STK32C: variants seen among roughly 807,000 people sequenced by gnomAD.
STK32C encodes serine/threonine kinase 32C.
In STK32C, 31 loss-of-function variants were observed where a neutral mutation model predicts 56.5. That is an observed-to-expected ratio of 0.55 (90% CI 0.41 to 0.74). The LOEUF (loss-of-function observed/expected upper bound fraction) is 0.74. STK32C is among the 30% of genes least tolerant of loss of function. STK32C has a pLI of 0.00. For synonymous variants in STK32C, 309 were observed against 289.4 expected, an observed-to-expected ratio of 1.07 and a Z score of -0.69; for missense variants, 544 against 676.9, an observed-to-expected ratio of 0.80 and a Z score of 2.18.
intron 1 of STK32C, among the ~76,000 whole-genome samples, chr10:132,281,941 G>A (rs894683576): frequency 2.1e-4 from 32 of 152,218 alleles, no homozygotes; most frequent in African/African-American, 7.2e-4. Context: ...CCTGTTCACA[G>A]GGGCCACTCT....
chr10:132,263,450 G>C (rs544592606), intron 1 of STK32C, among the ~76,000 whole-genome samples: 1 of 152,186 alleles, frequency 6.6e-6, no homozygotes, highest in South Asian at 2.1e-4. Context: ...CAGGGGAGAA[G>C]AGGAGGAGTC....
In STK32C at chr10:132,307,322, G is replaced by A. The variant is rs1170540218; in HGVS notation, c.262+250C>T. ...AGCCCGGAGACGCCACAGCCGCGGG[G>A]GACCCTCGCCCCGAGGGCCCGGGCC... On this transcript the variant is annotated intron_variant, in intron 1 of 11. Transcript: ENST00000298630. The surrounding 1 kb of genome is among the most constrained non-coding windows in gnomAD (Gnocchi z 4.4). The A allele has an allele frequency of 8.8e-6, 3 of 341,692 alleles. No individual in the cohort carries two copies. The highest frequency in any genetic ancestry group is 1.6e-5 in the Non-Finnish European group (3 of 191,010). The allele number at this position is 341,692 out of a possible 1,614,324, so 21.2% of individuals were successfully genotyped here.
intron 2 of STK32C, among the ~76,000 whole-genome samples, chr10:132,231,856 A>G (rs1388264863): frequency 6.6e-6 from 1 of 152,238 alleles, no homozygotes; most frequent in Non-Finnish European, 1.5e-5. Context: ...GCCAGCAGCC[A>G]CCAGACGCCG....
intron 8 of STK32C, among the ~76,000 whole-genome samples, chr10:132,224,086 C>T (rs1384170456): frequency 6.7e-6 from 1 of 150,204 alleles, no homozygotes; most frequent in Non-Finnish European, 1.5e-5. Context: ...GGGGACGTGG[C>T]TCAGGGCTCC....
intron 3 of STK32C, 64 bp downstream of exon 3, chr10:132,227,913 T>C (rs1331406417): frequency 4.9e-5 from 77 of 1,577,630 alleles, no homozygotes; most frequent in Non-Finnish European, 3.8e-5. Context: ...CAGGAGAGGA[T>C]AGCCAGTGCC....
intron 1 of STK32C, among the ~76,000 whole-genome samples, chr10:132,278,109 C>A (rs908018093): frequency 6.6e-6 from 1 of 152,178 alleles, no homozygotes; most frequent in African/African-American, 2.4e-5. Flanking sequence ...ATTGCTCACA[C>A]CCCTCTCTGC....
At chr10:132,317,846 T>C (rs1028447271) in intron 1 of STK32C, among the ~76,000 whole-genome samples, 5 of 150,304 alleles carry the variant, frequency 3.3e-5, no homozygotes, top group South Asian at 2.1e-4. Flanking sequence ...GGCATGGTGG[T>C]GTGTGCCTGT....
At chr10:132,213,140 G>A (rs1412848727) in intron 10 of STK32C, among the ~76,000 whole-genome samples, 1 of 152,252 alleles carries the variant, frequency 6.6e-6, no homozygotes. Context: ...TACACCCAGA[G>A]CATTCTCCAC....
upstream of STK32C, among the ~76,000 whole-genome samples, chr10:132,310,651 G>A (rs1254025161): frequency 2.6e-5 from 4 of 152,326 alleles, no homozygotes; most frequent in East Asian, 1.9e-4. This position sits in a 1 kb window ranked among gnomAD's most constrained non-coding sequence, Gnocchi z 4.6. Flanking sequence ...GCCCGGGAAC[G>A]TCAACTTCAT....
In STK32C at chr10:132,246,089, G is replaced by A. The variant is rs78581984; in HGVS notation, c.263-134C>T. ...TCCTAGAAGAGGGTCGCCGTGGGGC[G>A]GGCCAAACTCTCGCTCCTGTGCGAG... On this transcript the variant is annotated intron_variant, in intron 1 of 11. Transcript: ENST00000298630. 6,642 of 877,832 alleles carry A rather than the reference G, an allele frequency of 7.6e-3. 267 individuals are homozygous for A. In the African/African-American group the frequency reaches 0.093, roughly 12 times the overall value. 54.4% of individuals were successfully genotyped at this position (877,832 alleles called of 1,614,324 possible).
chr10:132,230,335 C>T (rs955478899), intron 2 of STK32C, among the ~76,000 whole-genome samples: 2 of 152,234 alleles, frequency 1.3e-5, no homozygotes, highest in Non-Finnish European at 2.9e-5. Context: ...TCGCGTGGCT[C>T]GGCAGCACGG....
intron 1 of STK32C, among the ~76,000 whole-genome samples, chr10:132,326,615 G>A (rs968616831): frequency 2.6e-5 from 4 of 152,198 alleles, no homozygotes; most frequent in Non-Finnish European, 4.4e-5. Context: ...GAGCCACCTC[G>A]CCCAGCCAAG....
chr10:132,305,763 G>A (rs902531005), intron 1 of STK32C, among the ~76,000 whole-genome samples: 1 of 152,250 alleles, frequency 6.6e-6, no homozygotes, highest in African/African-American at 2.4e-5. Context: ...GCCAGTGACA[G>A]GAAGAAGCGG....
In STK32C at chr10:132,255,177, T is replaced by C. The variant is rs914715602; in HGVS notation, c.263-9222A>G. Among the ~76,000 whole-genome samples the C allele has an allele frequency of 3.9e-5, 6 of 152,174 alleles. No individual in the cohort carries two copies. The highest frequency in any genetic ancestry group is 7.4e-5 in the Non-Finnish European group (5 of 68,020). On this transcript the variant is annotated intron_variant, in intron 1 of 11. Coordinates refer to ENST00000298630, the MANE Select transcript of STK32C (RefSeq NM_173575.4). This position sits in a 1 kb window ranked among gnomAD's most constrained non-coding sequence, Gnocchi z 4.6. Reference sequence around the variant, plus strand: ...CGTCTCCTATGACCTGGGAAGTGCTTATGATGAGGAAAATCATCCCCCAGG... The same window carrying C: ...CGTCTCCTATGACCTGGGAAGTGCTCATGATGAGGAAAATCATCCCCCAGG...
intron 1 of STK32C, among the ~76,000 whole-genome samples, chr10:132,303,042 TA>T (rs1349884393): frequency 1.3e-5 from 2 of 152,148 alleles, no homozygotes; most frequent in Non-Finnish European, 2.9e-5. Context: ...GTGAACCTTG[TA>T]AAAGTGGAGC....
chr10:132,223,883 A>G (rs1372867892), intron 8 of STK32C, among the ~76,000 whole-genome samples: 1 of 152,232 alleles, frequency 6.6e-6, no homozygotes, highest in East Asian at 1.9e-4. Flanking sequence ...GCCTAGCACC[A>G]GATCACAAAT....
intron 1 of STK32C, among the ~76,000 whole-genome samples, chr10:132,251,618 C>G (rs572669389): frequency 6.6e-6 from 1 of 152,266 alleles, no homozygotes; most frequent in South Asian, 2.1e-4. Flanking sequence ...CTCAGATCGA[C>G]TCTGGCTTCT....
At chr10:132,291,167 T>G (rs1590409236) in intron 1 of STK32C, among the ~76,000 whole-genome samples, 1 of 152,246 alleles carries the variant, frequency 6.6e-6, no homozygotes, top group African/African-American at 2.4e-5. Flanking sequence ...ACCTTCCAAT[T>G]AGCTCGGCGG....
At chr10:132,215,443 T>C (rs2062440224) in intron 10 of STK32C, among the ~76,000 whole-genome samples, 1 of 151,922 alleles carries the variant, frequency 6.6e-6, no homozygotes, top group African/African-American at 2.4e-5. Context: ...GGCGGGTCTT[T>C]CCTGTGCTGT....
Sources: gnomAD v4.1 joint callset for allele counts (sites outside exome capture counted in the v4.1 genomes callset) on GRCh38, gnomAD v4.1.1 for gene constraint, Gnocchi (gnomAD v3.1) non-coding constraint, MANE v1.5 for transcripts, NCBI Gene and HGNC (gene_info 2026-07-23, HGNC 2026-07-21) for gene names.